Variants in TASP1 observed in about 807,000 individuals in gnomAD.
The protein encoded by TASP1 is taspase 1, also known as threonine aspartase 1.
TASP1 carries 16 observed loss-of-function variants against 56.6 expected under a neutral mutation model. The ratio of observed to expected loss-of-function variants is 0.28; its 90% CI spans 0.19 to 0.43. The LOEUF (loss-of-function observed/expected upper bound fraction) is 0.43, where lower values mean the gene tolerates loss of function less well. TASP1 is among the 20% of genes least tolerant of loss of function. TASP1 has a pLI of 1.00. For missense variants in TASP1, 393 were observed against 511.6 expected, an observed-to-expected ratio of 0.77 and a Z score of 2.24; for synonymous variants, 179 against 184.2, an observed-to-expected ratio of 0.97 and a Z score of 0.23.
intron 8 of TASP1, among the ~76,000 whole-genome samples, chr20:13,534,506 C>T (rs911786973): frequency 5.3e-5 from 8 of 152,188 alleles, no homozygotes; most frequent in East Asian, 1.9e-4. Flanking sequence ...AGGAAACCAT[C>T]GGTGGCATAA....
chr20:13,264,599 G>A, the TASP1 span, among the ~76,000 whole-genome samples: 2 of 152,176 alleles, frequency 1.3e-5, no homozygotes, highest in African/African-American at 4.8e-5. Context: ...CCAGCTGGGG[G>A]ACTCTGGCCA....
chr20:13,399,291 T>C (rs1045822626), intron 13 of TASP1, among the ~76,000 whole-genome samples: 3 of 152,228 alleles, frequency 2.0e-5, no homozygotes, highest in Non-Finnish European at 4.4e-5. Flanking sequence ...AAAATGTTTA[T>C]ATGCTGAGAT....
At position 13,617,572 on chromosome 20, in the gene TASP1, C is replaced by T. The variant is rs533321435; in HGVS notation, c.282+5874G>A. Among the ~76,000 whole-genome samples, 4 of 152,150 alleles carry T rather than the reference C, an allele frequency of 2.6e-5. No homozygotes were observed. The South Asian group carries it at 8.3e-4, about 32-fold the overall frequency. ...GTCAGCTCTACTGGGGGGCAGGGGG[C>T]GCTGGGGAAAGAGCAAGGGACCACT... On this transcript the variant is annotated intron_variant, in intron 4 of 13. Coordinates refer to ENST00000337743, the MANE Select transcript of TASP1 (RefSeq NM_017714.3).
the TASP1 span, among the ~76,000 whole-genome samples, chr20:13,378,612 C>T: frequency 9.2e-5 from 14 of 152,170 alleles, no homozygotes; most frequent in Middle Eastern, 3.4e-3. Flanking sequence ...GAGCTGAGTT[C>T]GAGTCCTGAA....
chr20:13,632,065 C>T (rs1301652784), intron 1 of TASP1, among the ~76,000 whole-genome samples: 1 of 133,598 alleles, frequency 7.5e-6, no homozygotes, highest in African/African-American at 2.8e-5. Context: ...AAAAAAAGTA[C>T]AGATTTCCTT....
At chr20:13,483,435 G>A in intron 10 of TASP1, 98 bp from the exon 11 acceptor site, 1 of 699,190 alleles carries the variant, frequency 1.4e-6, no homozygotes, top group Non-Finnish European at 2.2e-6. Context: ...ATTTAAGAGA[G>A]TAGTTAGCTG....
intron 4 of TASP1, among the ~76,000 whole-genome samples, chr20:13,599,868 T>C (rs2047889916): frequency 6.6e-6 from 1 of 151,806 alleles, no homozygotes; most frequent in Non-Finnish European, 1.5e-5. Flanking sequence ...TAAAAACTTA[T>C]TTATGAAAAA....
chr20:13,608,081 T>C (rs1220007764), intron 4 of TASP1, among the ~76,000 whole-genome samples: 1 of 152,242 alleles, frequency 6.6e-6, no homozygotes, highest in Non-Finnish European at 1.5e-5. Context: ...ATGAACTTTC[T>C]TGCATCTTTT....
intron 10 of TASP1, among the ~76,000 whole-genome samples, chr20:13,521,595 A>T (rs2044757233): frequency 1.4e-5 from 2 of 141,432 alleles, no homozygotes; most frequent in African/African-American, 5.1e-5. Context: ...GAACACATGG[A>T]CACAGGAAGG....
the TASP1 span, among the ~76,000 whole-genome samples, chr20:13,326,936 T>A: frequency 6.6e-6 from 1 of 152,154 alleles, no homozygotes; most frequent in Non-Finnish European, 1.5e-5. Context: ...CGCTCCTATT[T>A]AACACAGTAT....
At chr20:13,434,333 T>C (rs1311878632) in intron 12 of TASP1, among the ~76,000 whole-genome samples, 9 of 152,138 alleles carry the variant, frequency 5.9e-5, no homozygotes, top group African/African-American at 2.2e-4. Context: ...ATTTTTTTAA[T>C]GTGTCCCCTC....
At chr20:13,614,943 T>C (rs965437317) in intron 4 of TASP1, 2 of 407,000 alleles carry the variant, frequency 4.9e-6, no homozygotes, top group Non-Finnish European at 1.0e-5. Context: ...CACTTATACT[T>C]CCCTTCAACC....
At chr20:13,541,694 C>T (rs1301016392) in intron 8 of TASP1, among the ~76,000 whole-genome samples, 5 of 151,948 alleles carry the variant, frequency 3.3e-5, no homozygotes, top group Non-Finnish European at 7.4e-5. Flanking sequence ...CCCAGAAAAG[C>T]CCTTGACACC....
At chr20:13,175,347 A>G in the TASP1 span, among the ~76,000 whole-genome samples, 1 of 152,200 alleles carries the variant, frequency 6.6e-6, no homozygotes, top group African/African-American at 2.4e-5. Context: ...ATGAAGAGGA[A>G]CCTGAAATCA....
chr20:13,609,562 C>A (rs1433764085), intron 4 of TASP1, among the ~76,000 whole-genome samples: 6 of 151,854 alleles, frequency 4.0e-5, no homozygotes, highest in Admixed American at 1.3e-4. Context: ...GCGGTGGGCG[C>A]CTATAATCCC....
intron 11 of TASP1, among the ~76,000 whole-genome samples, chr20:13,468,018 A>AAAAAAC (rs151335556): frequency 0.028 from 4,209 of 151,714 alleles, 91 homozygotes; most frequent in Non-Finnish European, 0.043. Flanking sequence ...CTCCATCTCA[A>AAAAAAC]AAAAACAAAA....
chr20:13,442,449 G>C (rs2043251380), intron 11 of TASP1, among the ~76,000 whole-genome samples: 6 of 151,942 alleles, frequency 3.9e-5, no homozygotes, highest in Admixed American at 3.9e-4. Context: ...TCTTGGTCTT[G>C]AAGGCCAAGA....
chr20:13,249,544 C>T, the TASP1 span, among the ~76,000 whole-genome samples: 1 of 152,208 alleles, frequency 6.6e-6, no homozygotes, highest in Non-Finnish European at 1.5e-5. Flanking sequence ...AAATTATACA[C>T]CTCGGAAAAT....
rs56317940 is a variant in TASP1, at chr20:13,435,126, G to A, written c.1014C>T (p.Gly338=). ...ISSPFLASED[G]VLGGVIVLRS... ...GGAGGACAATCACTCCGCCAAGCAC[G>A]CCATCTTCACTGGCAAGGAAAGGTG... is the stretch of plus-strand genomic sequence containing the variant. Residue 338 remains glycine (G), a synonymous_variant, in exon 12 of 14, where the codon GGC becomes GGT. Transcript: ENST00000337743. 1.6e-4 allele frequency: 263 copies of A among 1,607,538 alleles called. No homozygotes were observed. Among genetic ancestry groups the A allele is most frequent in the Non-Finnish European group, 2.1e-4 (247 of 1,176,834 alleles).
Sources: gnomAD v4.1 joint callset for allele counts (sites outside exome capture counted in the v4.1 genomes callset) on GRCh38, gnomAD v4.1.1 for gene constraint, MANE v1.5 for transcripts, NCBI Gene and HGNC (gene_info 2026-07-23, HGNC 2026-07-21) for gene names.